The following GRIK1 variants were observed in gnomAD, a reference collection of about 807,000 sequenced individuals.
GRIK1 encodes glutamate ionotropic receptor kainate type subunit 1.
In GRIK1, 69 loss-of-function variants were observed where a neutral mutation model predicts 105.7. That is an observed-to-expected ratio of 0.65 (90% CI 0.54 to 0.80). The LOEUF is 0.80. Ranked by LOEUF, GRIK1 falls within the 30% of genes least tolerant of loss-of-function variation. The pLI, the probability that GRIK1 is intolerant of heterozygous loss-of-function variation, is 0.00. For synonymous variants in GRIK1, 438 were observed against 431.3 expected (o/e 1.02, Z -0.19); for missense variants, 1,109 against 1,167.3 (o/e 0.95, Z 0.73).
intron 1 of GRIK1, among the ~76,000 whole-genome samples, chr21:29,926,413 C>G (rs1458169318): frequency 1.3e-5 from 2 of 152,216 alleles, no homozygotes; most frequent in African/African-American, 4.8e-5. Flanking sequence ...AGATTTTTAA[C>G]ACCTTTCAAA....
chr21:29,724,506 A>G (rs1040942246), intron 1 of GRIK1, among the ~76,000 whole-genome samples: 1 of 152,336 alleles, frequency 6.6e-6, no homozygotes, highest in African/African-American at 2.4e-5. Context: ...GCTTTATAGA[A>G]GTGTTAAAAT....
In GRIK1 at chr21:29,939,577, C is replaced by G. The variant is rs2071906307; in HGVS notation, c.-77G>C. 2.3e-6 allele frequency: 2 copies of G among 866,594 alleles called. No individual in the cohort carries two copies. Among genetic ancestry groups the G allele is most frequent in the Non-Finnish European group, 3.6e-6 (2 of 560,762 alleles). 53.7% of individuals were successfully genotyped at this position (866,594 alleles called of 1,614,324 possible). A position where few individuals can be genotyped will look rare whatever the true frequency, so the allele number is the denominator to read the frequency against. Reference sequence around the variant, plus strand: ...GAGATGCACCCAACTTGGGCCGGGTCCCCGCCTCATCCTCTCTGGATGCTC... The same window carrying G: ...GAGATGCACCCAACTTGGGCCGGGTGCCCGCCTCATCCTCTCTGGATGCTC... On this transcript the variant is annotated 5_prime_UTR_variant, in exon 1 of 18. Coordinates refer to ENST00000327783, the MANE Select transcript of GRIK1 (RefSeq NM_001330994.2).
intron 1 of GRIK1, among the ~76,000 whole-genome samples, chr21:29,875,920 G>A (rs140521581): frequency 1.4e-4 from 21 of 152,284 alleles, no homozygotes; most frequent in African/African-American, 5.1e-4. Context: ...TGGAATATCT[G>A]TCTGATCTCT....
chr21:29,755,849 A>C (rs1312936832), intron 1 of GRIK1, among the ~76,000 whole-genome samples: 1 of 152,226 alleles, frequency 6.6e-6, no homozygotes, highest in Non-Finnish European at 1.5e-5. Context: ...AATATATCCC[A>C]AAAACCTGTC....
chr21:29,772,337 T>C (rs1424887330), intron 1 of GRIK1, among the ~76,000 whole-genome samples: 1 of 152,206 alleles, frequency 6.6e-6, no homozygotes, highest in Non-Finnish European at 1.5e-5. Context: ...TAGATAAAAA[T>C]AGTTTTTGAA....
intron 5 of GRIK1, among the ~76,000 whole-genome samples, 165 bp from the exon 6 acceptor site, chr21:29,651,456 G>A (rs534321094): frequency 4.6e-5 from 7 of 152,290 alleles, no homozygotes; most frequent in African/African-American, 1.7e-4. Context: ...GTTGGAACAT[G>A]TTAAATGGAA....
chr21:29,760,667 C>G (rs1027764516), intron 1 of GRIK1, among the ~76,000 whole-genome samples: 2 of 152,196 alleles, frequency 1.3e-5, no homozygotes, highest in Admixed American at 6.5e-5. Flanking sequence ...TAAAACAGTA[C>G]CGAATTTGAA....
intron 7 of GRIK1, among the ~76,000 whole-genome samples, chr21:29,630,299 T>C (rs1164229605): frequency 6.6e-6 from 1 of 152,176 alleles, no homozygotes; most frequent in African/African-American, 2.4e-5. Flanking sequence ...CTGTGACCTA[T>C]GCCCTTTGTA....
At chr21:29,857,865 A>AC (rs781329792) in intron 1 of GRIK1, among the ~76,000 whole-genome samples, 6 of 151,726 alleles carry the variant, frequency 4.0e-5, no homozygotes, top group Non-Finnish European at 7.4e-5. Context: ...AAATTTCATC[A>AC]CCCCCTAGTC....
In GRIK1 at chr21:29,539,874, A is replaced by G. The variant is rs531164707; in HGVS notation, c.2608-1990T>C. Among the ~76,000 whole-genome samples the G allele has an allele frequency of 3.9e-5, 6 of 152,354 alleles. No homozygotes were observed. The East Asian group carries it at 1.2e-3, about 29-fold the overall frequency. On this transcript the variant is annotated intron_variant, in intron 16 of 17. Coordinates refer to ENST00000327783, the MANE Select transcript of GRIK1 (RefSeq NM_001330994.2). ...AAGAGCTTGCATTTGAACTCAGTAT[A>G]TCTGGACTGCCCAAACCAAGAGCTT...
intron 13 of GRIK1, among the ~76,000 whole-genome samples, chr21:29,579,821 T>C (rs1332881479): frequency 1.3e-5 from 2 of 151,970 alleles, no homozygotes; most frequent in East Asian, 1.9e-4. Context: ...CTGTGGATGA[T>C]GGTAAACTCC....
chr21:29,560,393 C>A (rs1478679006), intron 15 of GRIK1, among the ~76,000 whole-genome samples: 1 of 80,912 alleles, frequency 1.2e-5, no homozygotes, highest in Non-Finnish European at 2.4e-5. Flanking sequence ...TCCTTCCTTC[C>A]TTCCTTCCTT....
intron 1 of GRIK1, among the ~76,000 whole-genome samples, chr21:29,784,590 A>C (rs1197592760): frequency 6.6e-6 from 1 of 152,130 alleles, no homozygotes; most frequent in Admixed American, 6.6e-5. Context: ...GCTCTGAGAC[A>C]CTTCTATTTA....
intron 1 of GRIK1, among the ~76,000 whole-genome samples, chr21:29,737,260 A>T (rs2064817685): frequency 6.6e-6 from 1 of 152,138 alleles, no homozygotes; most frequent in Non-Finnish European, 1.5e-5. Flanking sequence ...TTTCTGCTTG[A>T]AGCACAAAGA....
At chr21:29,797,947 A>T (rs1044234397) in intron 1 of GRIK1, among the ~76,000 whole-genome samples, 4 of 152,322 alleles carry the variant, frequency 2.6e-5, no homozygotes, top group East Asian at 1.9e-4. Context: ...GATGAAAAAC[A>T]AATAAAGTCT....
chr21:29,555,521 G>T (rs1256551979), intron 15 of GRIK1, among the ~76,000 whole-genome samples: 1 of 152,110 alleles, frequency 6.6e-6, no homozygotes, highest in Non-Finnish European at 1.5e-5. Context: ...CTTTGGCCCC[G>T]ATTGTTTGCT....
chr21:29,920,921 A>G (rs1053311364), intron 1 of GRIK1, among the ~76,000 whole-genome samples: 2 of 151,502 alleles, frequency 1.3e-5, no homozygotes, highest in African/African-American at 4.9e-5. Flanking sequence ...CCATCTGAGA[A>G]TAGATGATTG....
chr21:29,821,070 A>G (rs1213755088), intron 1 of GRIK1, among the ~76,000 whole-genome samples: 1 of 151,792 alleles, frequency 6.6e-6, no homozygotes, highest in Non-Finnish European at 1.5e-5. Flanking sequence ...AAAAAAAAAA[A>G]AATCCATGTA....
chr21:29,846,429 T>A (rs28727292), intron 1 of GRIK1, among the ~76,000 whole-genome samples: 991 of 57,002 alleles, frequency 0.017, no homozygotes, highest in Non-Finnish European at 0.021. Context: ...AAGAAAAAAA[T>A]AAAGAAGGAA....
Sources: allele counts gnomAD v4.1 joint callset (sites outside exome capture counted in the v4.1 genomes callset), GRCh38; gene constraint gnomAD v4.1.1; transcripts MANE v1.5; gene names NCBI Gene and HGNC (gene_info 2026-07-23, HGNC 2026-07-21).